CSF1: variants seen among roughly 807,000 people sequenced by gnomAD.
The protein encoded by CSF1 is macrophage colony-stimulating factor 1.
CSF1 carries 9 observed loss-of-function variants against 48.9 expected under a neutral mutation model. That is an observed-to-expected ratio of 0.18 (90% CI 0.11 to 0.32). The LOEUF (loss-of-function observed/expected upper bound fraction) is 0.32. Among genes scored for constraint, CSF1 ranks in the 10% least tolerant of loss-of-function variants. CSF1 has a pLI of 1.00. For synonymous variants in CSF1, 305 were observed against 284.1 expected (o/e 1.07, Z -0.74); for missense variants, 672 against 697.9 (o/e 0.96, Z 0.42).
Position 109,925,315 on chromosome 1 carries a change from C to G in CSF1, c.*13+113C>G, listed in dbSNP as rs1647796976. 10 of 852,604 alleles carry G rather than the reference C, an allele frequency of 1.2e-5. No individual in the cohort carries two copies. The South Asian group carries it at 1.4e-4, about 12-fold the overall frequency. 52.8% of individuals were successfully genotyped at this position (852,604 alleles called of 1,614,324 possible). A position where few individuals can be genotyped will look rare whatever the true frequency, so the allele number is the denominator to read the frequency against. ...GAGGCCCCCACACTGACTCCCATGCCTCTCTCCAGTTCCCTTTCCATACAT... is the reference window on the plus strand; with the variant it reads ...GAGGCCCCCACACTGACTCCCATGCGTCTCTCCAGTTCCCTTTCCATACAT... On this transcript the variant is annotated intron_variant, in intron 8 of 8. Transcript: ENST00000329608.
intron 4 of CSF1, among the ~76,000 whole-genome samples, chr1:109,919,565 C>T (rs186176097): frequency 1.1e-3 from 162 of 152,256 alleles, no homozygotes; most frequent in South Asian, 4.6e-3. Context: ...ATTAAATCTG[C>T]GGTTTTCCAA....
intron 3 of CSF1, among the ~76,000 whole-genome samples, chr1:109,916,320 A>G (rs761923321): frequency 3.9e-5 from 6 of 152,012 alleles, no homozygotes; most frequent in South Asian, 2.1e-4. Flanking sequence ...TTCACTCCTC[A>G]TCTTACCACT....
At position 109,921,844 on chromosome 1, in the gene CSF1, C is replaced by A; in HGVS notation, c.397-3C>A. The A allele has an allele frequency of 6.3e-7, 1 of 1,576,048 alleles. No individual in the cohort carries two copies. ...ACAAAAGGGGGCCCTGATCTCCTTC[C>A]AGGCCTGCGTCCGAACTTTCTATGA... On this transcript the variant is annotated splice_region_variant and splice_polypyrimidine_tract_variant and intron_variant, in intron 4 of 8. Transcript: ENST00000329608.
chr1:109,915,705 T>C lies in CSF1; in HGVS notation c.225+9T>C. On this transcript the variant is annotated intron_variant, in intron 3 of 8. Coordinates refer to ENST00000329608, the MANE Select transcript of CSF1 (RefSeq NM_000757.6). ...TAGACCAGGAACAGTTGGTGAGTGA[T>C]GGCTTTTTACAAAATCCATGCACCA... is the stretch of plus-strand genomic sequence containing the variant. The C allele has an allele frequency of 6.2e-7, 1 of 1,612,080 alleles. No individual in the cohort carries two copies. Among genetic ancestry groups the C allele is most frequent in the Non-Finnish European group, 8.5e-7 (1 of 1,178,144 alleles).
At chr1:109,919,038 T>TA (rs936973741) in intron 4 of CSF1, among the ~76,000 whole-genome samples, 2 of 152,008 alleles carry the variant, frequency 1.3e-5, no homozygotes, top group African/African-American at 4.8e-5. Context: ...TGGAGATTCA[T>TA]AAAAAAGCGT....
chr1:109,923,645 A>C lies in CSF1; in HGVS notation c.1024A>C (p.Asn342His), dbSNP rs1647684702. Residue 342 changes from asparagine to histidine, a missense_variant, in exon 6 of 9, where the codon AAC becomes CAC. Physicochemically the swap from Asn to His is moderately conservative, Grantham distance 68. Coordinates refer to ENST00000329608, the MANE Select transcript of CSF1 (RefSeq NM_000757.6). ...GCAGACAGAGCCCGCCAGACCCAGC[A>C]ACTTCCTCTCAGCATCTTCTCCACT... ...SMQTEPARPS[N>H]FLSASSPLPA... 1 of 1,613,778 alleles carries C rather than the reference A, an allele frequency of 6.2e-7. No individual in the cohort carries two copies. The highest frequency in any genetic ancestry group is 1.3e-5 in the African/African-American group (1 of 74,894).
rs530914445 is a variant in CSF1, at chr1:109,919,249, G to A, written c.396+1786G>A. Among the ~76,000 whole-genome samples the A allele has an allele frequency of 1.2e-4, 18 of 152,234 alleles. No individual in the cohort carries two copies. In the South Asian group the frequency reaches 2.5e-3, roughly 21 times the overall value. ...GACTTTTTGTTCTGTTTTTGTTGTC[G>A]TTGTTTTGAGACAGGGTCTCATTCT... On this transcript the variant is annotated intron_variant, in intron 4 of 8. Transcript: ENST00000329608.
At chr1:109,912,820 C>A (rs1654745052) in intron 1 of CSF1, among the ~76,000 whole-genome samples, 1 of 152,192 alleles carries the variant, frequency 6.6e-6, no homozygotes, top group African/African-American at 2.4e-5. Context: ...TATTCCCACC[C>A]AGGGCAACCT....
At chr1:109,924,912 C>G in intron 7 of CSF1, 84 bp downstream of exon 7, 1 of 1,365,454 alleles carries the variant, frequency 7.3e-7, no homozygotes, top group Non-Finnish European at 1.0e-6. Flanking sequence ...TGGGGCTCTC[C>G]TGCTTGCTCT....
Position 109,923,808 on chromosome 1 carries a change from A to AC in CSF1, c.1193dup (p.Glu399GlyfsTer64). Reference sequence around the variant, plus strand: ...GACCATCCATCTGCCCTGCTCAGAGACCCCCCGGAGCCAGGCTCTCCCAGG... The same window carrying AC: ...GACCATCCATCTGCCCTGCTCAGAGACCCCCCCGGAGCCAGGCTCTCCCAGG... On this transcript the variant is annotated frameshift_variant, in exon 6 of 9. Coordinates refer to ENST00000329608, the MANE Select transcript of CSF1 (RefSeq NM_000757.6). LOFTEE classifies it high-confidence loss of function. The AC allele has an allele frequency of 6.2e-7, 1 of 1,610,638 alleles. No individual in the cohort carries two copies. The highest frequency in any genetic ancestry group is 8.5e-7 in the Non-Finnish European group (1 of 1,178,496).
At position 109,923,491 on chromosome 1, in the gene CSF1, G is replaced by C. The variant is rs113094334; in HGVS notation, c.870G>C (p.Gly290=). Residue 290 remains glycine, a synonymous_variant, in exon 6 of 9, where the codon GGG becomes GGC. Transcript: ENST00000329608. ...CCTCTGTCGGGGCCTTCAACCCCGG[G>C]ATGGAGGATATTCTTGACTCTGCAA... ...PRPSVGAFNP[G]MEDILDSAMG... is the part of the protein sequence containing the mutation. 3 of 1,614,022 alleles carry C rather than the reference G, an allele frequency of 1.9e-6. 1 individual carries two copies. The African/African-American group carries it at 4.0e-5, about 22-fold the overall frequency.
chr1:109,916,368 C>T (rs1279610044), intron 3 of CSF1, among the ~76,000 whole-genome samples: 1 of 152,148 alleles, frequency 6.6e-6, no homozygotes, highest in Non-Finnish European at 1.5e-5. Flanking sequence ...GCTGCCTTTA[C>T]CTCCTTCTCC....
intron 8 of CSF1, among the ~76,000 whole-genome samples, chr1:109,926,945 G>A (rs1295429068): frequency 6.6e-6 from 1 of 152,162 alleles, no homozygotes; most frequent in Non-Finnish European, 1.5e-5. Flanking sequence ...TGGCTTCAGG[G>A]CTGACTCACG....
intron 2 of CSF1, 137 bp downstream of exon 2, chr1:109,914,518 C>A: frequency 9.7e-7 from 1 of 1,036,232 alleles, no homozygotes; most frequent in Non-Finnish European, 1.3e-6. Flanking sequence ...TTCCCACTAG[C>A]TCCACCAGTG....
intron 1 of CSF1, among the ~76,000 whole-genome samples, 200 bp downstream of exon 1, chr1:109,911,262 G>A (rs1241620431): frequency 6.6e-6 from 1 of 152,142 alleles, no homozygotes; most frequent in Non-Finnish European, 1.5e-5. Context: ...CCCTGCAGCT[G>A]CACCGGGACT....
At chr1:109,912,668 G>A (rs145315825) in intron 1 of CSF1, among the ~76,000 whole-genome samples, 170 of 152,288 alleles carry the variant, frequency 1.1e-3, no homozygotes, top group African/African-American at 3.9e-3. Context: ...CTCCAGGGAG[G>A]TTGTCTTCCT....
At position 109,911,038 on chromosome 1, in the gene CSF1, C is replaced by T; in HGVS notation, c.15C>T (p.Gly5=). Residue 5 remains glycine, a synonymous_variant, in exon 1 of 9, where the codon GGC becomes GGT. Coordinates refer to ENST00000329608, the MANE Select transcript of CSF1 (RefSeq NM_000757.6). MTAP[G]AAGRCPPTTW... ...CAGCTGCCCGTATGACCGCGCCGGG[C>T]GCCGCCGGGCGCTGCCCTCCCACGG... 8.8e-7 allele frequency: 1 copy of T among 1,138,858 alleles called. No homozygotes were observed. Among genetic ancestry groups the T allele is most frequent in the Middle Eastern group, 3.7e-4 (1 of 2,722 alleles). The allele number at this position is 1,138,858 out of a possible 1,614,324, so 70.5% of individuals were successfully genotyped here.
At position 109,927,146 on chromosome 1, in the gene CSF1, C is replaced by T. The variant is rs368390985; in HGVS notation, c.*14-1706C>T. 2.6e-3 allele frequency among the ~76,000 whole-genome samples: 350 copies of T among 135,618 alleles called. 2 individuals are homozygous for T. Among genetic ancestry groups the T allele is most frequent in the African/African-American group, 0.011 (339 of 30,604 alleles). 89.0% of individuals were successfully genotyped at this position (135,618 alleles called of 152,430 possible). A position where few individuals can be genotyped will look rare whatever the true frequency, so the allele number is the denominator to read the frequency against. ...ATTGAGCAACTGACTAGCTGATTGC[C>T]TGACTAATTGGCTGGTTGGCTGACT... On this transcript the variant is annotated intron_variant, in intron 8 of 8. Coordinates refer to ENST00000329608, the MANE Select transcript of CSF1 (RefSeq NM_000757.6).
At chr1:109,928,402 C>T (rs1647931074) in intron 8 of CSF1, among the ~76,000 whole-genome samples, 1 of 152,228 alleles carries the variant, frequency 6.6e-6, no homozygotes, top group East Asian at 1.9e-4. Flanking sequence ...TGATGCCCCT[C>T]TGATGAAATG....
Sources: allele counts gnomAD v4.1 joint callset (sites outside exome capture counted in the v4.1 genomes callset), GRCh38; gene constraint gnomAD v4.1.1; transcripts MANE v1.5; gene names NCBI Gene and HGNC (gene_info 2026-07-23, HGNC 2026-07-21).